PTPRB: variants seen among roughly 807,000 people sequenced by gnomAD.
PTPRB encodes the protein receptor-type tyrosine-protein phosphatase beta.
PTPRB carries 97 observed loss-of-function variants against 238.1 expected under a neutral mutation model. That is an observed-to-expected ratio of 0.41 (90% CI 0.35 to 0.48). The LOEUF (loss-of-function observed/expected upper bound fraction) is 0.48, where lower values mean the gene tolerates loss of function less well. Ranked by LOEUF, PTPRB falls within the 20% of genes least tolerant of loss-of-function variation. The pLI is 0.30. For synonymous variants in PTPRB, 970 were observed against 995.4 expected (o/e 0.97, Z 0.48); for missense variants, 2,292 against 2,681.9 (o/e 0.85, Z 3.21).
chr12:70,578,930 C>T (rs1285407423), intron 10 of PTPRB, among the ~76,000 whole-genome samples: 1 of 152,122 alleles, frequency 6.6e-6, no homozygotes. Flanking sequence ...ATGCCTACTC[C>T]CAAGTCTGAT....
intron 3 of PTPRB, among the ~76,000 whole-genome samples, chr12:70,614,291 T>A (rs1022309696): frequency 6.6e-6 from 1 of 152,174 alleles, no homozygotes; most frequent in African/African-American, 2.4e-5. Context: ...ACCCTGTACT[T>A]GATATCATTT....
intron 21 of PTPRB, among the ~76,000 whole-genome samples, chr12:70,545,966 G>A (rs962163968): frequency 2.0e-5 from 3 of 152,034 alleles, no homozygotes; most frequent in East Asian, 1.9e-4. Flanking sequence ...GCAAAACCCC[G>A]TCTCTACTAA....
intron 4 of PTPRB, among the ~76,000 whole-genome samples, chr12:70,601,065 A>G (rs1883439994): frequency 6.6e-6 from 1 of 151,932 alleles, no homozygotes; most frequent in Admixed American, 6.6e-5. Context: ...ATAGGGTTTC[A>G]TTGTGTTGGC....
chr12:70,580,697 T>C (rs1176042956), intron 10 of PTPRB, among the ~76,000 whole-genome samples: 2 of 151,514 alleles, frequency 1.3e-5, no homozygotes, highest in Non-Finnish European at 2.9e-5. Flanking sequence ...CACACGCCTG[T>C]AATCCCAGCT....
In PTPRB at chr12:70,519,105, G is replaced by T. The variant is rs1380218591; in HGVS notation, c.*2384C>A. 2 of 152,090 alleles carry T rather than the reference G, an allele frequency of 1.3e-5. No homozygotes were observed. The highest frequency in any genetic ancestry group is 2.9e-5 in the Non-Finnish European group (2 of 68,002). The allele number at this position is 152,090 out of a possible 1,614,324, so 9.4% of individuals were successfully genotyped here. The stretch of plus-strand genomic sequence containing the variant: ...AAGGTTTAAAATTAGGTGTAGGGTA[G>T]GAATAAACATTTCCTGGGTTGGATT... On this transcript the variant is annotated 3_prime_UTR_variant, in exon 34 of 34. Transcript: ENST00000334414.
In PTPRB at chr12:70,525,712, T is replaced by C. The variant is rs111839053; in HGVS notation, c.6505-1121A>G. Among the ~76,000 whole-genome samples, 302 of 152,298 alleles carry C rather than the reference T, an allele frequency of 2.0e-3. 1 individual carries two copies. The highest frequency in any genetic ancestry group is 4.8e-3 in the Admixed American group (74 of 15,296). ...CTCCGTGAGTTCTCTTATAAGGAAA[T>C]TGATTTCTGCGGAACCTTCCCTTGC... On this transcript the variant is annotated intron_variant, in intron 32 of 33. Coordinates refer to ENST00000334414, the MANE Select transcript of PTPRB (RefSeq NM_001109754.4).
intron 4 of PTPRB, among the ~76,000 whole-genome samples, chr12:70,599,381 A>G (rs1330467326): frequency 2.0e-5 from 3 of 152,186 alleles, no homozygotes; most frequent in African/African-American, 4.8e-5. Flanking sequence ...AAAGGTATCA[A>G]TGCACAGATG....
chr12:70,548,081 A>G (rs1156557896), intron 21 of PTPRB, among the ~76,000 whole-genome samples: 1 of 151,784 alleles, frequency 6.6e-6, no homozygotes, highest in African/African-American at 2.4e-5. Context: ...AATTCCAGCA[A>G]TTTGGGAGGC....
chr12:70,581,699 T>C (rs1881415796), intron 9 of PTPRB, among the ~76,000 whole-genome samples: 2 of 152,108 alleles, frequency 1.3e-5, no homozygotes, highest in Non-Finnish European at 2.9e-5. Flanking sequence ...TATGGGGTGG[T>C]ATTGGGAATT....
intron 18 of PTPRB, chr12:70,558,955 TC>T: frequency 3.2e-6 from 1 of 307,950 alleles, no homozygotes; most frequent in South Asian, 6.6e-5. Context: ...CTCCACTTCT[TC>T]CCCTACCTCT....
intron 2 of PTPRB, among the ~76,000 whole-genome samples, chr12:70,622,912 T>C (rs565541213): frequency 2.7e-5 from 4 of 146,118 alleles, no homozygotes; most frequent in African/African-American, 1.0e-4. Context: ...CCCAGCGCTG[T>C]GTAGAAAAGA....
intron 14 of PTPRB, among the ~76,000 whole-genome samples, chr12:70,569,260 G>A (rs910600352): frequency 6.6e-6 from 1 of 151,844 alleles, no homozygotes; most frequent in Admixed American, 6.6e-5. Flanking sequence ...GCACCACCAC[G>A]CCTGGCTAAT....
Position 70,544,438 on chromosome 12 carries a change from AAAGATT to A in PTPRB, c.5494+113_5494+118del, listed in dbSNP as rs1875652479. 16 of 726,958 alleles carry A rather than the reference AAAGATT, an allele frequency of 2.2e-5. No individual in the cohort carries two copies. The South Asian group carries it at 2.2e-4, about 10-fold the overall frequency. The allele number at this position is 726,958 out of a possible 1,614,324, so 45.0% of individuals were successfully genotyped here. On this transcript the variant is annotated intron_variant, in intron 22 of 33. Coordinates refer to ENST00000334414, the MANE Select transcript of PTPRB (RefSeq NM_001109754.4). ...GATCCACATCAATTTTTGGTCACATAAAGATTAAGTTCCAAATGAAAATAAATGTTC... is the reference window on the plus strand; with the variant it reads ...GATCCACATCAATTTTTGGTCACATAAAGTTCCAAATGAAAATAAATGTTC...
intron 15 of PTPRB, 114 bp from the exon 16 acceptor site, chr12:70,563,221 G>A: frequency 1.8e-6 from 2 of 1,088,794 alleles, no homozygotes; most frequent in Non-Finnish European, 2.6e-6. Context: ...AGTGATACGG[G>A]AAACAGTAAC....
rs1248701799 is a variant in PTPRB at position 70,589,977 on chromosome 12, G to A, written c.2037C>T (p.Cys679=). The change falls in exon 8 of 34, where the codon TGC becomes TGT. Residue 679 remains cysteine, a synonymous_variant. Coordinates refer to ENST00000334414, the MANE Select transcript of PTPRB (RefSeq NM_001109754.4). ...ATATTTGCCTACCTGTCCTGCCTTG[G>A]CAACGCTCAGAATTCTTCAAATTTC... ...ESGNLKNSER[C]QGRTVPLAVL... The A allele has an allele frequency of 6.2e-7, 1 of 1,613,490 alleles. No homozygotes were observed. Among genetic ancestry groups the A allele is most frequent in the Non-Finnish European group, 8.5e-7 (1 of 1,179,758 alleles).
chr12:70,535,943 G>A (rs1874060601), intron 29 of PTPRB, 82 bp downstream of exon 29: 1 of 1,555,796 alleles, frequency 6.4e-7, no homozygotes, highest in African/African-American at 1.4e-5. Context: ...TTGTTTTGCG[G>A]GGTTTCACTT....
chr12:70,618,087 CT>C (rs1884759823), intron 3 of PTPRB, among the ~76,000 whole-genome samples: 1 of 151,918 alleles, frequency 6.6e-6, no homozygotes, highest in South Asian at 2.1e-4. Flanking sequence ...AGCCAGTGTT[CT>C]TGTTTGTTTT....
intron 15 of PTPRB, among the ~76,000 whole-genome samples, chr12:70,565,146 C>T (rs904324790): frequency 1.3e-5 from 2 of 152,114 alleles, no homozygotes; most frequent in African/African-American, 4.8e-5. Flanking sequence ...TGGATCTCCT[C>T]ACTTCTGGTT....
chr12:70,576,163 G>A (rs1229228277), intron 11 of PTPRB, among the ~76,000 whole-genome samples: 1 of 152,076 alleles, frequency 6.6e-6, no homozygotes, highest in Non-Finnish European at 1.5e-5. Flanking sequence ...CTCCATAAAC[G>A]GGAACACTTT....
Sources: gnomAD v4.1 joint callset for allele counts (sites outside exome capture counted in the v4.1 genomes callset) on GRCh38, gnomAD v4.1.1 for gene constraint, MANE v1.5 for transcripts, NCBI Gene and HGNC (gene_info 2026-07-23, HGNC 2026-07-21) for gene names.